Variants in KLHL21 observed in about 807,000 individuals in gnomAD.
The protein encoded by KLHL21 is kelch like family member 21.
In KLHL21, 42 loss-of-function variants were observed where a neutral mutation model predicts 44.1. The ratio of observed to expected loss-of-function variants is 0.95; its 90% CI spans 0.74 to 1.23. KLHL21 has a LOEUF of 1.23. Among genes scored for constraint, KLHL21 ranks in the 50% most tolerant of loss-of-function variants. The pLI is 0.00. For synonymous variants in KLHL21, 524 were observed against 411.6 expected (o/e 1.27, Z -3.31); for missense variants, 918 against 889.1 (o/e 1.03, Z -0.41).
In KLHL21 at chr1:6,592,669, G is replaced by C. The variant is rs1382800750; in HGVS notation, c.*696C>G. 6.6e-6 allele frequency: 1 copy of C among 152,404 alleles called. No individual in the cohort carries two copies. Among genetic ancestry groups the C allele is most frequent in the East Asian group, 1.9e-4 (1 of 5,178 alleles). 9.4% of individuals were successfully genotyped at this position (152,404 alleles called of 1,614,324 possible). The stretch of plus-strand genomic sequence containing the variant: ...TCCCAGGGCCTCCCGGGAAGGAGAG[G>C]GTGAGAGGTGAGGACGCAAGAGCCA... On this transcript the variant is annotated 3_prime_UTR_variant, in exon 4 of 4. Coordinates refer to ENST00000377658, the MANE Select transcript of KLHL21 (RefSeq NM_014851.4).
chr1:6,593,818 C>A (rs1441607065), intron 3 of KLHL21, 160 bp from the exon 4 acceptor site: 2 of 1,369,148 alleles, frequency 1.5e-6, no homozygotes, highest in Non-Finnish European at 1.9e-6. Flanking sequence ...TTTCCAACAC[C>A]CTGCCTAGGA....
chr1:6,602,586 G>A lies in KLHL21; in HGVS notation c.232C>T (p.Arg78Cys), dbSNP rs1309398546. ...ATGTCGGGAGGCACTCCGTGCAGGCGCACCCGCTCGGCGCGGCTCTCGCGC... is the reference window on the plus strand; with the variant it reads ...ATGTCGGGAGGCACTCCGTGCAGGCACACCCGCTCGGCGCGGCTCTCGCGC... ...QLRESRAERV[R>C]LHGVPPDMLQ... The change falls in exon 1 of 4, where the codon CGC becomes TGC. Residue 78 changes from arginine to cysteine, a missense_variant. Transcript: ENST00000377658. 2.6e-6 allele frequency: 4 copies of A among 1,529,358 alleles called. No homozygotes were observed. In the African/African-American group the frequency reaches 4.2e-5, roughly 16 times the overall value. The allele number at this position is 1,529,358 out of a possible 1,614,324, so 94.7% of individuals were successfully genotyped here.
chr1:6,593,902 C>T (rs1640889311), intron 3 of KLHL21: 14 of 1,296,856 alleles, frequency 1.1e-5, no homozygotes, highest in Middle Eastern at 5.8e-4. Context: ...CAGGCCTCCC[C>T]GTGTGCAGGT....
chr1:6,598,929 C>T lies in KLHL21; in HGVS notation c.1427+118G>A, dbSNP rs971479074. 8.4e-6 allele frequency: 9 copies of T among 1,072,856 alleles called. No individual in the cohort carries two copies. In the African/African-American group the frequency reaches 1.3e-4, roughly 15 times the overall value. 66.5% of individuals were successfully genotyped at this position (1,072,856 alleles called of 1,614,324 possible). A position where few individuals can be genotyped will look rare whatever the true frequency, so the allele number is the denominator to read the frequency against. On this transcript the variant is annotated intron_variant, in intron 2 of 3. Coordinates refer to ENST00000377658, the MANE Select transcript of KLHL21 (RefSeq NM_014851.4). Reference sequence around the variant, plus strand: ...CAAAGAGACAGACCCAGCCTCCAACCCCAGCTAGGCCTCAGTTTCTCATCT... The same window carrying T: ...CAAAGAGACAGACCCAGCCTCCAACTCCAGCTAGGCCTCAGTTTCTCATCT...
At chr1:6,600,693 C>T (rs1327146298) in intron 1 of KLHL21, among the ~76,000 whole-genome samples, 1 of 152,198 alleles carries the variant, frequency 6.6e-6, no homozygotes. Flanking sequence ...GAAGGGTGTG[C>T]AGAAAGCTGG....
At position 6,602,185 on chromosome 1, in the gene KLHL21, C is replaced by A; in HGVS notation, c.633G>T (p.Pro211=). 2 of 1,442,970 alleles carry A rather than the reference C, an allele frequency of 1.4e-6. No individual in the cohort carries two copies. The highest frequency in any genetic ancestry group is 1.4e-5 in the South Asian group (1 of 71,682). 89.4% of individuals were successfully genotyped at this position (1,442,970 alleles called of 1,614,324 possible). Residue 211 remains proline (P), a synonymous_variant, in exon 1 of 4, where the codon CCG becomes CCT. Transcript: ENST00000377658. ...LALRWVRADP[P]RRAAHWPQLL... is the part of the protein sequence containing the mutation. ...GCTGCGGCCAGTGCGCGGCGCGGCG[C>A]GGCGGGTCAGCGCGGACCCAGCGCA...
intron 1 of KLHL21, 125 bp from the exon 2 acceptor site, chr1:6,599,577 C>G (rs2232457): frequency 1.0e-6 from 1 of 996,118 alleles, no homozygotes; most frequent in East Asian, 2.6e-5. Flanking sequence ...TCACCCCAGA[C>G]GCACACCCTC....
chr1:6,599,600 C>T, intron 1 of KLHL21, 148 bp from the exon 2 acceptor site: 1 of 825,626 alleles, frequency 1.2e-6, no homozygotes, highest in Non-Finnish European at 1.8e-6. Context: ...CCCAAAAGCC[C>T]AGGCCACATG....
In KLHL21 at chr1:6,602,755, C is replaced by T; in HGVS notation, c.63G>A (p.Leu21=). The change falls in exon 1 of 4, where the codon CTG becomes CTA. Residue 21 remains leucine (L), a synonymous_variant. Transcript: ENST00000377658. ...PFSDPAHALS[L]LRGLSQLRAE... ...CGCGCAGCTGGCTCAGGCCGCGCAG[C>T]AGGCTCAGGGCGTGCGCGGGGTCCG... 6.6e-7 allele frequency: 1 copy of T among 1,509,840 alleles called. No individual in the cohort carries two copies. Among genetic ancestry groups the T allele is most frequent in the African/African-American group, 1.4e-5 (1 of 69,258 alleles). The allele number at this position is 1,509,840 out of a possible 1,614,324, so 93.5% of individuals were successfully genotyped here.
chr1:6,602,148 C>A lies in KLHL21; in HGVS notation c.670G>T (p.Val224Leu). ...AAGCGGCGCACGAAGGGCAGGCGCA[C>A]GGCCTCCAGCAGCTGCGGCCAGTGC... Reference protein sequence around the residue: ...AAHWPQLLEAVRLPFVRRFYL... With the variant: ...AAHWPQLLEALRLPFVRRFYL... Residue 224 changes from valine (V) to leucine (L), a missense_variant, in exon 1 of 4, where the codon GTG becomes TTG. Coordinates refer to ENST00000377658, the MANE Select transcript of KLHL21 (RefSeq NM_014851.4). The A allele has an allele frequency of 7.1e-7, 1 of 1,412,410 alleles. No homozygotes were observed. The highest frequency in any genetic ancestry group is 9.1e-7 in the Non-Finnish European group (1 of 1,093,608). The allele number at this position is 1,412,410 out of a possible 1,614,324, so 87.5% of individuals were successfully genotyped here.
rs1280665297 is a variant in KLHL21 at position 6,601,897 on chromosome 1, G to C, written c.921C>G (p.Tyr307Ter). 1 of 1,567,510 alleles carries C rather than the reference G, an allele frequency of 6.4e-7. No homozygotes were observed. The highest frequency in any genetic ancestry group is 8.6e-7 in the Non-Finnish European group (1 of 1,156,980). The change falls in exon 1 of 4, where the codon TAC (tyrosine) becomes TAG (stop). Residue 307 changes from tyrosine (Y) to a stop codon, truncating the protein, a stop_gained. Transcript: ENST00000377658. LOFTEE classifies it high-confidence loss of function. ...AGCGCCACTGACCCGTCTGCGGGTT[G>C]TAGCAGTCGACAGTGACCAGCTCGT... is the stretch of plus-strand genomic sequence containing the variant. The part of the protein sequence containing the change: ...DCDELVTVDC[Y>*]NPQTGQWRYL...
At position 6,591,321 on chromosome 1, in the gene KLHL21, C is replaced by T. The variant is rs1016571678; in HGVS notation, c.*2044G>A. 1.4e-5 allele frequency: 4 copies of T among 278,172 alleles called. No homozygotes were observed. The highest frequency in any genetic ancestry group is 2.7e-5 in the Non-Finnish European group (4 of 150,442). The allele number at this position is 278,172 out of a possible 1,614,324, so 17.2% of individuals were successfully genotyped here. A position where few individuals can be genotyped will look rare whatever the true frequency, so the allele number is the denominator to read the frequency against. On this transcript the variant is annotated 3_prime_UTR_variant, in exon 4 of 4. Coordinates refer to ENST00000377658, the MANE Select transcript of KLHL21 (RefSeq NM_014851.4). ...AGCGCAGCTCTCCTGCACTGGCTCG[C>T]ACCACAGCCCTCATCTGAGTGGCCG...
intron 1 of KLHL21, among the ~76,000 whole-genome samples, chr1:6,600,127 C>T (rs1182457847): frequency 2.0e-5 from 3 of 152,052 alleles, no homozygotes; most frequent in Non-Finnish European, 4.4e-5. Context: ...CTTACTGCAA[C>T]CTCCACCTCC....
Position 6,599,041 on chromosome 1 carries a change from A to G in KLHL21, c.1427+6T>C, listed in dbSNP as rs762397589. The G allele has an allele frequency of 5.7e-6, 9 of 1,566,454 alleles. No individual in the cohort carries two copies. ...CACACAGTGGGGCTCGGCACCTGGAACTCACCTGACAAAGTACATGAGTCC... is the reference window on the plus strand; with the variant it reads ...CACACAGTGGGGCTCGGCACCTGGAGCTCACCTGACAAAGTACATGAGTCC... On this transcript the variant is annotated splice_donor_region_variant and intron_variant, in intron 2 of 3. Transcript: ENST00000377658.
In KLHL21 at chr1:6,602,639, T is replaced by G; in HGVS notation, c.179A>C (p.Tyr60Ser). ...CTGCCCCGCGAACATGGCGCGGAAG[T>G]AGGGGCTGGCGGCGGCCAGCACCGC... ...HRAVLAAASP[Y>S]FRAMFAGQLR... Residue 60 changes from tyrosine (Y) to serine (S), a missense_variant, in exon 1 of 4, where the codon TAC (tyrosine) becomes TCC (serine). Physicochemically the swap from Tyr to Ser is moderately radical, Grantham distance 144 (BLOSUM62 -2). Transcript: ENST00000377658. 2.0e-6 allele frequency: 3 copies of G among 1,517,002 alleles called. No individual in the cohort carries two copies. Among genetic ancestry groups the G allele is most frequent in the Non-Finnish European group, 2.6e-6 (3 of 1,138,994 alleles). The allele number at this position is 1,517,002 out of a possible 1,614,324, so 94.0% of individuals were successfully genotyped here.
chr1:6,599,567 T>TCA (rs1167438057), intron 1 of KLHL21, 115 bp from the exon 2 acceptor site: 3 of 1,127,990 alleles, frequency 2.7e-6, no homozygotes, highest in Non-Finnish European at 3.7e-6. Flanking sequence ...TCACTGGGCT[T>TCA]CACCCCAGAC....
At chr1:6,595,428 G>C (rs773702458) in intron 3 of KLHL21, 57 bp downstream of exon 3, 1 of 1,519,892 alleles carries the variant, frequency 6.6e-7, no homozygotes, top group Non-Finnish European at 9.1e-7. Context: ...GATGACACTT[G>C]GGTTGCAAAA....
intron 3 of KLHL21, 107 bp from the exon 4 acceptor site, chr1:6,593,765 G>A: frequency 7.0e-7 from 1 of 1,418,972 alleles, no homozygotes; most frequent in Non-Finnish European, 9.2e-7. Context: ...ACCCCAGAGG[G>A]GTGGCCTTGG....
chr1:6,591,249 G>A lies in KLHL21; in HGVS notation c.*2116C>T, dbSNP rs1406254211. The A allele has an allele frequency of 1.4e-5, 5 of 367,590 alleles. No individual in the cohort carries two copies. 22.8% of individuals were successfully genotyped at this position (367,590 alleles called of 1,614,324 possible). On this transcript the variant is annotated 3_prime_UTR_variant, in exon 4 of 4. Coordinates refer to ENST00000377658, the MANE Select transcript of KLHL21 (RefSeq NM_014851.4). ...CCAAAGACAGGGTCCTGATGGTGGA[G>A]ACCTGGGTAGGTCCGGAGGACAGAC...
Sources: gnomAD v4.1 joint callset for allele counts (sites outside exome capture counted in the v4.1 genomes callset) on GRCh38, gnomAD v4.1.1 for gene constraint, MANE v1.5 for transcripts, NCBI Gene and HGNC (gene_info 2026-07-23, HGNC 2026-07-21) for gene names.